GDAP1: variants seen among roughly 807,000 people sequenced by gnomAD.
The protein encoded by GDAP1 is ganglioside-induced differentiation-associated protein 1.
In GDAP1, 34 loss-of-function variants were observed where a neutral mutation model predicts 40.1. The ratio of observed to expected loss-of-function variants is 0.85; its 90% CI spans 0.64 to 1.13. GDAP1 has a LOEUF of 1.13. Ranked by LOEUF, GDAP1 falls within the 50% of genes most tolerant of loss-of-function variation. The pLI is 0.00. For missense variants in GDAP1, 374 were observed against 433.7 expected, an observed-to-expected ratio of 0.86 and a Z score of 1.22; for synonymous variants, 170 against 157.4, an observed-to-expected ratio of 1.08 and a Z score of -0.60.
rs34098737 is a variant in GDAP1 at position 74,411,719 on chromosome 8, C to CAAAA, written c.165+60409_165+60412dup. ...TAACATAGTGAGATCGTGTCTCTAC[C>CAAAA]AAAAAAAAAAAAAATTGCTAAGCAT... On this transcript the variant is annotated intron_variant, in intron 2 of 2. Transcript: ENST00000523640. Among the ~76,000 whole-genome samples, 210 of 139,076 alleles carry CAAAA rather than the reference C, an allele frequency of 1.5e-3. 2 individuals are homozygous for CAAAA. Among genetic ancestry groups the CAAAA allele is most frequent in the East Asian group, 0.01 (51 of 4,892 alleles). The allele number at this position is 139,076 out of a possible 152,430, so 91.2% of individuals were successfully genotyped here.
intron 2 of GDAP1, among the ~76,000 whole-genome samples, chr8:74,443,899 C>T (rs776548541): frequency 7.2e-5 from 11 of 152,112 alleles, no homozygotes; most frequent in Non-Finnish European, 5.9e-5. Context: ...TTCTCTCCAG[C>T]TGTTTTTCTT....
intron 2 of GDAP1, among the ~76,000 whole-genome samples, chr8:74,402,125 C>T (rs1464070103): frequency 4.0e-5 from 6 of 150,346 alleles, no homozygotes; most frequent in Middle Eastern, 3.4e-3. Flanking sequence ...GTTACTGCTG[C>T]CTTTTTGTTT....
intron 2 of GDAP1, among the ~76,000 whole-genome samples, chr8:74,395,892 A>T (rs73686978): frequency 6.6e-6 from 1 of 152,230 alleles, no homozygotes; most frequent in Admixed American, 6.5e-5. Flanking sequence ...GAACTAAAAC[A>T]TAAAGTCAAG....
intron 2 of GDAP1, among the ~76,000 whole-genome samples, chr8:74,444,048 T>G (rs144696401): frequency 1.3e-5 from 2 of 151,880 alleles, no homozygotes; most frequent in African/African-American, 4.8e-5. Flanking sequence ...ATTATAGTAT[T>G]GTATTTTATA....
In GDAP1 at chr8:74,463,195, T is replaced by C. The variant is rs562851283; in HGVS notation, c.166-25483T>C. On this transcript the variant is annotated intron_variant, in intron 2 of 2. Transcript: ENST00000523640. ...GGATAGGTGTGGTGGCTTATGCCTA[T>C]AATCCCAGCACTTTGGGAGGCCATG... is the stretch of plus-strand genomic sequence containing the variant. 9.4e-4 allele frequency among the ~76,000 whole-genome samples: 134 copies of C among 143,196 alleles called. 1 individual carries two copies. The highest frequency in any genetic ancestry group is 3.5e-3 in the African/African-American group (133 of 37,612). The allele number at this position is 143,196 out of a possible 152,430, so 93.9% of individuals were successfully genotyped here.
At position 74,403,611 on chromosome 8, in the gene GDAP1, C is replaced by G. The variant is rs562958766; in HGVS notation, c.165+52290C>G. Reference sequence around the variant, plus strand: ...TATCTACTAAATTTCACCAGAAGTTCCAGTAAAAGTATATGGATTATGGTC... The same window carrying G: ...TATCTACTAAATTTCACCAGAAGTTGCAGTAAAAGTATATGGATTATGGTC... On this transcript the variant is annotated intron_variant, in intron 2 of 2. Transcript: ENST00000523640. Among the ~76,000 whole-genome samples the G allele has an allele frequency of 4.5e-4, 67 of 150,182 alleles. 8 individuals carry two copies. Among genetic ancestry groups the G allele is most frequent in the African/African-American group, 1.6e-3 (63 of 39,508 alleles).
intron 2 of GDAP1, among the ~76,000 whole-genome samples, chr8:74,447,844 G>A (rs1806251897): frequency 6.6e-6 from 1 of 152,042 alleles, no homozygotes; most frequent in African/African-American, 2.4e-5. Flanking sequence ...TGACCTTTAG[G>A]CTATGTTTAT....
chr8:74,379,881 A>T (rs1483547782), intron 2 of GDAP1, among the ~76,000 whole-genome samples: 2 of 152,204 alleles, frequency 1.3e-5, no homozygotes, highest in Non-Finnish European at 2.9e-5. Context: ...TTAGGGGTCA[A>T]GTGATCTATA....
chr8:74,430,294 A>T (rs1806009324), intron 2 of GDAP1, among the ~76,000 whole-genome samples: 1 of 152,218 alleles, frequency 6.6e-6, no homozygotes, highest in Non-Finnish European at 1.5e-5. Context: ...CCACTTCTAG[A>T]AATTTATTCC....
At chr8:74,350,628 T>A in intron 1 of GDAP1, 50 bp downstream of exon 1, 1 of 1,125,350 alleles carries the variant, frequency 8.9e-7, no homozygotes, top group Non-Finnish European at 1.4e-6. Context: ...GCTTCAGCAC[T>A]GGGACAGCTC....
intron 2 of GDAP1, among the ~76,000 whole-genome samples, chr8:74,403,299 A>G (rs1805585454): frequency 6.7e-6 from 1 of 150,222 alleles, no homozygotes; most frequent in Admixed American, 6.6e-5. Flanking sequence ...TATTGACTGC[A>G]TTTTATTGTT....
intron 2 of GDAP1, among the ~76,000 whole-genome samples, chr8:74,468,589 C>T (rs1806504595): frequency 6.6e-6 from 1 of 151,554 alleles, no homozygotes; most frequent in Non-Finnish European, 1.5e-5. Context: ...TCTTTTATCC[C>T]ATTATATCTT....
intron 2 of GDAP1, among the ~76,000 whole-genome samples, chr8:74,380,562 A>C (rs1407717894): frequency 6.6e-6 from 1 of 150,446 alleles, no homozygotes; most frequent in African/African-American, 2.4e-5. Context: ...AAATTCCTTT[A>C]TATATGCAAA....
chr8:74,485,993 G>T (rs1177160770), intron 2 of GDAP1, among the ~76,000 whole-genome samples: 2 of 152,128 alleles, frequency 1.3e-5, no homozygotes, highest in Non-Finnish European at 2.9e-5. Flanking sequence ...CTGAACTCAG[G>T]GGCAGCAATT....
At chr8:74,456,979 T>C (rs556079443) in intron 2 of GDAP1, among the ~76,000 whole-genome samples, 2 of 152,180 alleles carry the variant, frequency 1.3e-5, no homozygotes, top group South Asian at 4.1e-4. Context: ...TTTAATAACT[T>C]TTTGTATTGG....
chr8:74,386,697 A>G (rs1810030577), intron 2 of GDAP1, among the ~76,000 whole-genome samples: 1 of 152,274 alleles, frequency 6.6e-6, no homozygotes, highest in South Asian at 2.1e-4. Flanking sequence ...TGAAATTTAA[A>G]GTAGTTTTCT....
intron 2 of GDAP1, among the ~76,000 whole-genome samples, chr8:74,357,484 T>C (rs777839084): frequency 7.9e-5 from 12 of 152,206 alleles, no homozygotes; most frequent in Non-Finnish European, 1.8e-4. Context: ...TGCAGAATGC[T>C]TTTATTGTTT....
intron 2 of GDAP1, among the ~76,000 whole-genome samples, chr8:74,405,638 G>A (rs1805628404): frequency 6.7e-6 from 1 of 150,044 alleles, no homozygotes; most frequent in Non-Finnish European, 1.5e-5. Flanking sequence ...GCTATTTAAT[G>A]TATGTGGACT....
chr8:74,413,541 G>A (rs1455304096), intron 2 of GDAP1, among the ~76,000 whole-genome samples: 1 of 149,606 alleles, frequency 6.7e-6, no homozygotes, highest in Admixed American at 6.6e-5. Flanking sequence ...CAGAGACTGT[G>A]AAAATCACCC....
Sources: allele counts gnomAD v4.1 joint callset (sites outside exome capture counted in the v4.1 genomes callset), GRCh38; gene constraint gnomAD v4.1.1; transcripts MANE v1.5; gene names NCBI Gene and HGNC (gene_info 2026-07-23, HGNC 2026-07-21).